The following ASTN2 variants were observed in gnomAD, a reference collection of about 807,000 sequenced individuals.
ASTN2 encodes the protein astrotactin-2.
A neutral mutation model predicts 139.8 loss-of-function variants in ASTN2; 54 were observed. The ratio of observed to expected loss-of-function variants is 0.39; its 90% CI spans 0.31 to 0.48. The LOEUF (loss-of-function observed/expected upper bound fraction) is 0.48. Among genes scored for constraint, ASTN2 ranks in the 20% least tolerant of loss-of-function variants. The pLI, the probability that ASTN2 is intolerant of heterozygous loss-of-function variation, is 0.95. For missense variants in ASTN2, 1,565 were observed against 1,725.1 expected, an observed-to-expected ratio of 0.91 and a Z score of 1.64; for synonymous variants, 756 against 719.5, an observed-to-expected ratio of 1.05 and a Z score of -0.81.
chr9:116,679,871 G>A (rs2132016122), intron 16 of ASTN2, among the ~76,000 whole-genome samples: 1 of 152,280 alleles, frequency 6.6e-6, no homozygotes, highest in South Asian at 2.1e-4. Context: ...CACATTCAAA[G>A]CAGTGTGTAG....
chr9:117,178,776 G>A (rs564863317), intron 3 of ASTN2, among the ~76,000 whole-genome samples: 1 of 152,316 alleles, frequency 6.6e-6, no homozygotes, highest in African/African-American at 2.4e-5. Flanking sequence ...ATCATCTGCA[G>A]GGGAGAAGGC....
chr9:117,338,067 C>A (rs1828942449), intron 1 of ASTN2, among the ~76,000 whole-genome samples: 1 of 152,176 alleles, frequency 6.6e-6, no homozygotes, highest in South Asian at 2.1e-4. Flanking sequence ...TATCTATCTA[C>A]AACTTCACAG....
intron 7 of ASTN2, among the ~76,000 whole-genome samples, chr9:116,977,715 CTTTTTTT>C (rs386416041): frequency 8.2e-6 from 1 of 122,180 alleles, no homozygotes; most frequent in African/African-American, 3.0e-5. Flanking sequence ...ATTTCTTTTT[CTTTTTTT>C]TTTTTTTTTT....
At chr9:116,985,058 A>G (rs187010431) in intron 7 of ASTN2, among the ~76,000 whole-genome samples, 1 of 152,322 alleles carries the variant, frequency 6.6e-6, no homozygotes, top group Admixed American at 6.5e-5. Flanking sequence ...AAGTCTACTC[A>G]GCCAAATGTA....
chr9:116,957,971 G>A (rs527296149), intron 10 of ASTN2, among the ~76,000 whole-genome samples: 4 of 152,106 alleles, frequency 2.6e-5, no homozygotes, highest in African/African-American at 9.7e-5. Flanking sequence ...GAGCCACCCC[G>A]CCTGGCCTAG....
intron 19 of ASTN2, among the ~76,000 whole-genome samples, chr9:116,521,666 A>G (rs1013310940): frequency 3.9e-5 from 6 of 152,222 alleles, no homozygotes; most frequent in Non-Finnish European, 4.4e-5. Context: ...ACTTACTTAA[A>G]CTAAAAAGCT....
At chr9:117,306,107 G>A (rs1032536787) in intron 1 of ASTN2, among the ~76,000 whole-genome samples, 25 of 152,286 alleles carry the variant, frequency 1.6e-4, no homozygotes, top group Admixed American at 4.6e-4. Context: ...TATCCTCAGG[G>A]TGTCGGACTA....
At chr9:117,300,563 C>T (rs777461149) in intron 1 of ASTN2, among the ~76,000 whole-genome samples, 24 of 152,140 alleles carry the variant, frequency 1.6e-4, no homozygotes, top group Non-Finnish European at 3.2e-4. Flanking sequence ...CAGGAACACA[C>T]GTGAGAGGTC....
intron 19 of ASTN2, among the ~76,000 whole-genome samples, chr9:116,509,264 T>G (rs993242122): frequency 6.6e-6 from 1 of 152,134 alleles, no homozygotes; most frequent in African/African-American, 2.4e-5. Context: ...CAGTGTTTGG[T>G]TTTTTGTCTT....
intron 4 of ASTN2, among the ~76,000 whole-genome samples, chr9:117,112,833 G>A (rs566662916): frequency 2.6e-5 from 4 of 152,102 alleles, no homozygotes; most frequent in Non-Finnish European, 4.4e-5. Flanking sequence ...CTACATAATC[G>A]GGGAAAATAA....
At position 116,698,946 on chromosome 9, in the gene ASTN2, G is replaced by A. The variant is rs555106908; in HGVS notation, c.2806+26825C>T. The A allele has an allele frequency of 1.2e-6, 2 of 1,614,222 alleles. No homozygotes were observed. The highest frequency in any genetic ancestry group is 3.3e-5 in the Admixed American group (2 of 60,028). On this transcript the variant is annotated intron_variant, in intron 16 of 22. Coordinates refer to ENST00000313400, the MANE Select transcript of ASTN2 (RefSeq NM_001365068.1). This position sits in a 1 kb window ranked among gnomAD's most constrained non-coding sequence, Gnocchi z 4.4. Reference sequence around the variant, plus strand: ...TCGTATACAAGTCTTTACCCGCAAAGGCTTTTTGAAGGAAATCCGCCGCAG... The same window carrying A: ...TCGTATACAAGTCTTTACCCGCAAAAGCTTTTTGAAGGAAATCCGCCGCAG...
At chr9:117,173,127 C>A (rs1241708403) in intron 3 of ASTN2, among the ~76,000 whole-genome samples, 1 of 151,752 alleles carries the variant, frequency 6.6e-6, no homozygotes, top group Admixed American at 6.6e-5. Flanking sequence ...GCATGTATGG[C>A]AATAAAGATT....
At chr9:116,837,593 T>C (rs1043252957) in intron 11 of ASTN2, among the ~76,000 whole-genome samples, 3 of 152,256 alleles carry the variant, frequency 2.0e-5, no homozygotes, top group African/African-American at 7.2e-5. Context: ...ATTTTAATGT[T>C]CATTAATTAT....
At chr9:116,723,675 T>G (rs1286335688) in intron 16 of ASTN2, among the ~76,000 whole-genome samples, 4 of 152,146 alleles carry the variant, frequency 2.6e-5, no homozygotes, top group African/African-American at 9.7e-5. Flanking sequence ...CATCTCCCAT[T>G]CCCTAGCATC....
intron 1 of ASTN2, among the ~76,000 whole-genome samples, chr9:117,316,780 G>A (rs1266665272): frequency 6.6e-6 from 1 of 152,162 alleles, no homozygotes; most frequent in Non-Finnish European, 1.5e-5. Flanking sequence ...TGCTATGGGG[G>A]CGTGAGCAGT....
intron 3 of ASTN2, among the ~76,000 whole-genome samples, chr9:117,173,122 T>C (rs1830832376): frequency 2.0e-5 from 3 of 152,154 alleles, no homozygotes; most frequent in African/African-American, 7.2e-5. Context: ...AAACAGCATG[T>C]ATGGCAATAA....
At chr9:117,184,808 C>T (rs1481782698) in intron 3 of ASTN2, among the ~76,000 whole-genome samples, 1 of 152,124 alleles carries the variant, frequency 6.6e-6, no homozygotes, top group East Asian at 1.9e-4. Flanking sequence ...AAGGAAGGGT[C>T]CAAGCTGTTC....
At chr9:116,913,845 T>C (rs776682456) in intron 10 of ASTN2, among the ~76,000 whole-genome samples, 40 of 151,884 alleles carry the variant, frequency 2.6e-4, no homozygotes, top group Non-Finnish European at 4.7e-4. Context: ...ACCAAGTTCC[T>C]TTCTGTTCAG....
rs1564345877 is a variant in ASTN2 at position 116,530,152 on chromosome 9, A to AT, written c.3356-42653_3356-42652insA. ...ATATATATATATATATATATATATA[A>AT]AATAGAATATTATTAATCCTTAAAA... On this transcript the variant is annotated intron_variant, in intron 19 of 22. Coordinates refer to ENST00000313400, the MANE Select transcript of ASTN2 (RefSeq NM_001365068.1). Among the ~76,000 whole-genome samples, 36 of 25,328 alleles carry AT rather than the reference A, an allele frequency of 1.4e-3. 4 individuals are homozygous for AT. The highest frequency in any genetic ancestry group is 2.4e-3 in the African/African-American group (14 of 5,726). 16.6% of individuals were successfully genotyped at this position (25,328 alleles called of 152,430 possible).
Sources: gnomAD v4.1 joint callset for allele counts (sites outside exome capture counted in the v4.1 genomes callset) on GRCh38, gnomAD v4.1.1 for gene constraint, Gnocchi (gnomAD v3.1) non-coding constraint, MANE v1.5 for transcripts, NCBI Gene and HGNC (gene_info 2026-07-23, HGNC 2026-07-21) for gene names.